SAMD3: variants seen among roughly 807,000 people sequenced by gnomAD.
SAMD3 encodes the protein sterile alpha motif domain-containing protein 3.
A neutral mutation model predicts 58.5 loss-of-function variants in SAMD3; 63 were observed. The observed-to-expected ratio is 1.08, with a 90% CI of 0.88 to 1.33. SAMD3 has a LOEUF of 1.33. SAMD3 is among the 40% of genes most tolerant of loss of function. The pLI, the probability that SAMD3 is intolerant of heterozygous loss-of-function variation, is 0.00. For missense variants in SAMD3, 604 were observed against 608.4 expected, an observed-to-expected ratio of 0.99 and a Z score of 0.08; for synonymous variants, 220 against 210.3, an observed-to-expected ratio of 1.05 and a Z score of -0.40.
chr6:130,318,426 T>C (rs1776465926), intron 1 of SAMD3, among the ~76,000 whole-genome samples: 1 of 152,158 alleles, frequency 6.6e-6, no homozygotes, highest in Admixed American at 6.6e-5. Flanking sequence ...TAAAAAAATT[T>C]TTTTTTTAAT....
At chr6:130,168,200 A>G (rs1582774487) in intron 8 of SAMD3, among the ~76,000 whole-genome samples, 1 of 152,108 alleles carries the variant, frequency 6.6e-6, no homozygotes. Flanking sequence ...TTGGGAGGCC[A>G]AGGTGGGCGG....
chr6:130,211,275 AATTT>A (rs1795528227), intron 4 of SAMD3, among the ~76,000 whole-genome samples: 2 of 134,314 alleles, frequency 1.5e-5, no homozygotes, highest in African/African-American at 2.8e-5. Flanking sequence ...TGCCAATCAG[AATTT>A]TTTTTTTTTT....
At chr6:130,173,920 T>C (rs1231654506) in intron 8 of SAMD3, among the ~76,000 whole-genome samples, 1 of 152,200 alleles carries the variant, frequency 6.6e-6, no homozygotes, top group Non-Finnish European at 1.5e-5. Context: ...AGAGAAGCAG[T>C]CTGGCCACAG....
intron 2 of SAMD3, among the ~76,000 whole-genome samples, chr6:130,296,726 C>T (rs545861937): frequency 4.6e-5 from 7 of 152,252 alleles, no homozygotes; most frequent in South Asian, 2.1e-4. Flanking sequence ...ATAGAGTTGC[C>T]TGCTCTGGAC....
At chr6:130,288,536 C>A (rs1775248153) in intron 2 of SAMD3, among the ~76,000 whole-genome samples, 1 of 152,208 alleles carries the variant, frequency 6.6e-6, no homozygotes, top group Admixed American at 6.5e-5. Flanking sequence ...CAAGGTAACA[C>A]ATCAAATTAA....
chr6:130,192,892 T>C (rs12194560), intron 5 of SAMD3, among the ~76,000 whole-genome samples: 32,222 of 151,938 alleles, frequency 0.21, 4,217 homozygotes, highest in East Asian at 0.44. Context: ...TTCTCCAACC[T>C]CCCTCACTAT....
At chr6:130,308,414 TATTCTA>T (rs1562513211) in intron 2 of SAMD3, among the ~76,000 whole-genome samples, 5 of 134,546 alleles carry the variant, frequency 3.7e-5, no homozygotes, top group African/African-American at 1.6e-4. Context: ...TATTCTATTC[TATTCTA>T]TTCTATTCTA....
intron 2 of SAMD3, among the ~76,000 whole-genome samples, chr6:130,228,331 C>G (rs146507382): frequency 2.6e-4 from 40 of 152,284 alleles, no homozygotes; most frequent in African/African-American, 9.4e-4. Context: ...ACTTGTTTAA[C>G]CCGTTGTGCA....
intron 8 of SAMD3, among the ~76,000 whole-genome samples, chr6:130,164,179 C>T (rs114091705): frequency 5.2e-4 from 79 of 151,574 alleles, no homozygotes; most frequent in African/African-American, 1.8e-3. Flanking sequence ...CATCAGAATG[C>T]GGCAAAATGT....
chr6:130,272,980 T>TG (rs1232068445), intron 2 of SAMD3, among the ~76,000 whole-genome samples: 1 of 152,164 alleles, frequency 6.6e-6, no homozygotes, highest in Non-Finnish European at 1.5e-5. Flanking sequence ...CATAGACACT[T>TG]GGAGTTTTTT....
intron 2 of SAMD3, among the ~76,000 whole-genome samples, chr6:130,245,198 A>G (rs1773499964): frequency 6.6e-6 from 1 of 152,230 alleles, no homozygotes; most frequent in Admixed American, 6.5e-5. Flanking sequence ...GTGCTAGACT[A>G]CTTTGAATAG....
At chr6:130,193,579 C>T (rs1265134966) in intron 5 of SAMD3, among the ~76,000 whole-genome samples, 1 of 152,100 alleles carries the variant, frequency 6.6e-6, no homozygotes, top group African/African-American at 2.4e-5. Flanking sequence ...GGGCTTGCCT[C>T]CTTCACTATG....
At chr6:130,352,716 C>A (rs928617766) in intron 1 of SAMD3, among the ~76,000 whole-genome samples, 1 of 152,074 alleles carries the variant, frequency 6.6e-6, no homozygotes, top group Non-Finnish European at 1.5e-5. Flanking sequence ...GAATAGTAGA[C>A]CTTAATTTTG....
Position 130,155,923 on chromosome 6 carries a change from T to C in SAMD3, c.823-898A>G, listed in dbSNP as rs146810772. ...AGAAGTTCCTATAATCTTATACAAATTTAGTTGGAAGATAAAAGTCTTTCC... is the reference window on the plus strand; with the variant it reads ...AGAAGTTCCTATAATCTTATACAAACTTAGTTGGAAGATAAAAGTCTTTCC... On this transcript the variant is annotated intron_variant, in intron 8 of 11. Transcript: ENST00000439090. 1.9e-3 allele frequency among the ~76,000 whole-genome samples: 293 copies of C among 152,226 alleles called. 2 individuals carry two copies. The highest frequency in any genetic ancestry group is 6.9e-3 in the African/African-American group (288 of 41,540).
chr6:130,154,147 C>T (rs1397529249), intron 9 of SAMD3, among the ~76,000 whole-genome samples: 3 of 151,888 alleles, frequency 2.0e-5, no homozygotes, highest in Non-Finnish European at 4.4e-5. Flanking sequence ...AGTGATGATC[C>T]GCCACCCTCC....
chr6:130,232,835 G>A (rs1796584515), intron 2 of SAMD3, among the ~76,000 whole-genome samples: 2 of 152,116 alleles, frequency 1.3e-5, no homozygotes, highest in South Asian at 4.2e-4. Context: ...GATACTATTT[G>A]CTAAGATAAC....
At chr6:130,224,369 G>A (rs1393336487), upstream of SAMD3, among the ~76,000 whole-genome samples, 1 of 151,962 alleles carries the variant, frequency 6.6e-6, no homozygotes, top group Non-Finnish European at 1.5e-5. Flanking sequence ...ACAGGCCTGA[G>A]GGTGGAGCCC....
intron 1 of SAMD3, among the ~76,000 whole-genome samples, chr6:130,219,805 A>G (rs1796143822): frequency 6.6e-6 from 1 of 152,174 alleles, no homozygotes; most frequent in Admixed American, 6.5e-5. Context: ...TTGCACATAC[A>G]AGAATTCAAG....
At chr6:130,293,979 G>C (rs1775471413) in intron 2 of SAMD3, among the ~76,000 whole-genome samples, 1 of 152,072 alleles carries the variant, frequency 6.6e-6, no homozygotes, top group African/African-American at 2.4e-5. Context: ...CTTCAAGACT[G>C]ACCAGAAGAG....
Sources: allele counts gnomAD v4.1 joint callset (sites outside exome capture counted in the v4.1 genomes callset), GRCh38; gene constraint gnomAD v4.1.1; transcripts MANE v1.5; gene names NCBI Gene and HGNC (gene_info 2026-07-23, HGNC 2026-07-21).